Variants in EGFR observed in about 807,000 individuals in gnomAD.
EGFR encodes the protein epidermal growth factor receptor, also known as avian erythroblastic leukemia viral (v-erb-b) oncogene homolog.
EGFR carries 58 observed loss-of-function variants against 143.0 expected under a neutral mutation model. The observed-to-expected ratio is 0.41, with a 90% CI of 0.33 to 0.50. EGFR has a LOEUF of 0.50. Among genes scored for constraint, EGFR ranks in the 20% least tolerant of loss-of-function variants. The pLI, the probability that EGFR is intolerant of heterozygous loss-of-function variation, is 0.39. For synonymous variants in EGFR, 613 were observed against 594.4 expected (o/e 1.03, Z -0.45); for missense variants, 1,307 against 1,579.0 (o/e 0.83, Z 2.92).
At chr7:55,107,898 G>T (rs1021609253) in intron 1 of EGFR, among the ~76,000 whole-genome samples, 44 of 152,248 alleles carry the variant, frequency 2.9e-4, no homozygotes, top group African/African-American at 1.0e-3. Flanking sequence ...TCATGTAAAT[G>T]GTACTATACT....
chr7:55,165,603 C>G (rs1351806028), intron 15 of EGFR, among the ~76,000 whole-genome samples, 166 bp downstream of exon 15: 2 of 152,206 alleles, frequency 1.3e-5, no homozygotes, highest in Admixed American at 1.3e-4. Flanking sequence ...TGCTTGTGAG[C>G]AGGCCTCAGT....
chr7:55,083,573 A>G (rs1343719148), intron 1 of EGFR, among the ~76,000 whole-genome samples: 4 of 152,236 alleles, frequency 2.6e-5, no homozygotes, highest in Non-Finnish European at 5.9e-5. Context: ...AAACAGGCAC[A>G]TGGCGAGGCA....
intron 1 of EGFR, among the ~76,000 whole-genome samples, chr7:55,064,858 C>T (rs1359707385): frequency 6.6e-6 from 1 of 152,188 alleles, no homozygotes; most frequent in Non-Finnish European, 1.5e-5. Context: ...CTGGCTCCAT[C>T]ATTTCTGTTT....
chr7:55,202,827 T>C (rs536359007), intron 27 of EGFR: 1 of 700,560 alleles, frequency 1.4e-6, no homozygotes, highest in Admixed American at 2.0e-5. Flanking sequence ...TGTGTCTGGT[T>C]GTTTGCTGTA....
In EGFR at chr7:55,181,381, A is replaced by G; in HGVS notation, c.2372A>G (p.Gln791Arg). 1 of 1,614,224 alleles carries G rather than the reference A, an allele frequency of 6.2e-7. No homozygotes were observed. The highest frequency in any genetic ancestry group is 8.5e-7 in the Non-Finnish European group (1 of 1,180,036). ...CLTSTVQLIT[Q>R]LMPFGCLLDY... The stretch of plus-strand genomic sequence containing the variant: ...ACCTCCACCGTGCAGCTCATCACGC[A>G]GCTCATGCCCTTCGGCTGCCTCCTG... The change falls in exon 20 of 28, where the codon CAG (glutamine) becomes CGG (arginine). Residue 791 changes from glutamine (Q) to arginine (R), a missense_variant. Transcript: ENST00000275493.
At chr7:55,093,093 T>C (rs1278737160) in intron 1 of EGFR, among the ~76,000 whole-genome samples, 9 of 152,240 alleles carry the variant, frequency 5.9e-5, no homozygotes, top group Non-Finnish European at 8.8e-5. Context: ...AAATGAGGCT[T>C]TGAAAACTCA....
intron 1 of EGFR, among the ~76,000 whole-genome samples, chr7:55,112,584 C>A (rs892835026): frequency 6.6e-6 from 1 of 152,190 alleles, no homozygotes; most frequent in Non-Finnish European, 1.5e-5. Context: ...CTCAGAAGGC[C>A]CTGTGGAGTG....
chr7:55,059,302 C>T (rs902391588), intron 1 of EGFR, among the ~76,000 whole-genome samples: 1 of 152,148 alleles, frequency 6.6e-6, no homozygotes. Flanking sequence ...ACTTAATAAA[C>T]TTCCTTTTTT....
At chr7:55,114,477 C>T (rs1243466890) in intron 1 of EGFR, among the ~76,000 whole-genome samples, 1 of 151,908 alleles carries the variant, frequency 6.6e-6, no homozygotes, top group Non-Finnish European at 1.5e-5. Flanking sequence ...CACAGTGAGA[C>T]CCTGTTTCTA....
rs1562650522 is a variant in EGFR at position 55,027,994 on chromosome 7, ATAT to A, written c.88+8630_88+8632del. ...TTTATGTAAAAAAAAAAAAAAAAAT[ATAT>A]ATATATATATATATATATATATATA... is the stretch of plus-strand genomic sequence containing the variant. On this transcript the variant is annotated intron_variant, in intron 1 of 27. Coordinates refer to ENST00000275493, the MANE Select transcript of EGFR (RefSeq NM_005228.5). Among the ~76,000 whole-genome samples the A allele has an allele frequency of 4.1e-3, 224 of 55,068 alleles. 1 individual carries two copies. The highest frequency in any genetic ancestry group is 0.01 in the Middle Eastern group (1 of 96). The allele number at this position is 55,068 out of a possible 152,430, so 36.1% of individuals were successfully genotyped here.
At chr7:55,047,493 T>A (rs1370748168) in intron 1 of EGFR, among the ~76,000 whole-genome samples, 2 of 152,234 alleles carry the variant, frequency 1.3e-5, no homozygotes, top group Non-Finnish European at 2.9e-5. Context: ...CTCACACCTG[T>A]AATCCCAGCA....
chr7:55,200,784 G>A lies in EGFR; in HGVS notation c.2946+371G>A, dbSNP rs17290685. The A allele has an allele frequency of 4.3e-3, 2,039 of 479,056 alleles. 7 individuals carry two copies. Among genetic ancestry groups the A allele is most frequent in the Non-Finnish European group, 6.0e-3 (1,571 of 261,738 alleles). The allele number at this position is 479,056 out of a possible 1,614,324, so 29.7% of individuals were successfully genotyped here. On this transcript the variant is annotated intron_variant, in intron 24 of 27. Transcript: ENST00000275493. ...ACTTCTTCGCATCACCCAGGCAGCC[G>A]ATCCACCTATCTCCTTCCATAACAC...
intron 20 of EGFR, 44 bp downstream of exon 20, chr7:55,181,522 G>C (rs1786878372): frequency 3.1e-6 from 5 of 1,613,404 alleles, no homozygotes; most frequent in African/African-American, 1.3e-5. Context: ...TAAGGAGCCA[G>C]GATCCTCACA....
intron 1 of EGFR, among the ~76,000 whole-genome samples, chr7:55,038,828 A>T (rs541355831): frequency 3.7e-3 from 569 of 152,196 alleles, no homozygotes; most frequent in Middle Eastern, 0.017. Flanking sequence ...TTAAGAGGAC[A>T]AAAGAAAAGC....
chr7:55,028,234 A>T (rs1320871395), intron 1 of EGFR, among the ~76,000 whole-genome samples: 1 of 152,018 alleles, frequency 6.6e-6, no homozygotes, highest in Non-Finnish European at 1.5e-5. Flanking sequence ...ACCCTTTGCT[A>T]AAATTTCTTT....
chr7:55,181,280 T>C lies in EGFR; in HGVS notation c.2284-13T>C, dbSNP rs1264905272. The C allele has an allele frequency of 5.6e-6, 9 of 1,613,810 alleles. No individual in the cohort carries two copies. Among genetic ancestry groups the C allele is most frequent in the Non-Finnish European group, 7.6e-6 (9 of 1,180,030 alleles). On this transcript the variant is annotated splice_polypyrimidine_tract_variant and intron_variant, in intron 19 of 27. Coordinates refer to ENST00000275493, the MANE Select transcript of EGFR (RefSeq NM_005228.5). ...ATGCGAAGCCACACTGACGTGCCTC[T>C]CCCTCCCTCCAGGAAGCCTACGTGA...
At position 55,211,560 on chromosome 7, in the gene EGFR, A is replaced by G. The variant is rs1583671344; in HGVS notation, c.*5943A>G. ...TGTGCATTGAGTATTAAAAAATTAG[A>G]TGTATATTATTCATTGTTCTTTACT... On this transcript the variant is annotated 3_prime_UTR_variant, in exon 28 of 28. Transcript: ENST00000275493. The G allele has an allele frequency of 2.0e-5, 3 of 152,178 alleles. No individual in the cohort carries two copies. Among genetic ancestry groups the G allele is most frequent in the Admixed American group, 2.0e-4 (3 of 15,298 alleles). 9.4% of individuals were successfully genotyped at this position (152,178 alleles called of 1,614,324 possible).
At chr7:55,041,973 C>T (rs1319816980) in intron 1 of EGFR, among the ~76,000 whole-genome samples, 1 of 152,150 alleles carries the variant, frequency 6.6e-6, no homozygotes, top group Non-Finnish European at 1.5e-5. Context: ...GCAGCATTCA[C>T]CAGCACCAAA....
At chr7:55,041,241 C>T (rs987473051) in intron 1 of EGFR, among the ~76,000 whole-genome samples, 2 of 152,142 alleles carry the variant, frequency 1.3e-5, no homozygotes, top group African/African-American at 2.4e-5. Flanking sequence ...GGCAAAACCT[C>T]GTCTCTACTA....
Sources: allele counts gnomAD v4.1 joint callset (sites outside exome capture counted in the v4.1 genomes callset), GRCh38; gene constraint gnomAD v4.1.1; transcripts MANE v1.5; gene names NCBI Gene and HGNC (gene_info 2026-07-23, HGNC 2026-07-21).